BBS9: variants seen among roughly 807,000 people sequenced by gnomAD.
BBS9 encodes protein PTHB1.
Under a neutral mutation model 117.7 loss-of-function variants are expected in BBS9, and 89 were observed. The observed-to-expected ratio is 0.76, with a 90% CI of 0.64 to 0.90. The LOEUF is 0.90. BBS9 is among the 40% of genes least tolerant of loss of function. The pLI is 0.00. For synonymous variants in BBS9, 379 were observed against 370.9 expected (o/e 1.02, Z -0.25); for missense variants, 982 against 1,042.2 (o/e 0.94, Z 0.80).
chr7:33,219,412 C>A (rs941324007), intron 5 of BBS9, among the ~76,000 whole-genome samples: 3 of 152,228 alleles, frequency 2.0e-5, no homozygotes, highest in Non-Finnish European at 4.4e-5. Flanking sequence ...AGTGCAGGGT[C>A]CACTGGGTGA....
chr7:33,411,355 T>C (rs1831110698), intron 19 of BBS9, among the ~76,000 whole-genome samples: 1 of 152,164 alleles, frequency 6.6e-6, no homozygotes, highest in Admixed American at 6.5e-5. Flanking sequence ...AAATATTTCT[T>C]GACAAGGTTT....
At chr7:33,429,751 A>G (rs1834164911) in intron 19 of BBS9, among the ~76,000 whole-genome samples, 1 of 152,178 alleles carries the variant, frequency 6.6e-6, no homozygotes, top group Non-Finnish European at 1.5e-5. Context: ...TATTAATTTT[A>G]TGTTTTTATA....
intron 19 of BBS9, among the ~76,000 whole-genome samples, chr7:33,464,852 G>T (rs1295284898): frequency 6.6e-6 from 1 of 151,818 alleles, no homozygotes; most frequent in African/African-American, 2.4e-5. Context: ...TTGAGATAAG[G>T]TCTTCCACTG....
intron 21 of BBS9, among the ~76,000 whole-genome samples, chr7:33,614,689 G>C (rs757402208): frequency 1.3e-5 from 2 of 152,030 alleles, no homozygotes; most frequent in Non-Finnish European, 2.9e-5. Flanking sequence ...GCCCAGAGTG[G>C]ACAGGTCTGA....
At chr7:33,495,057 A>C (rs561875900) in intron 19 of BBS9, among the ~76,000 whole-genome samples, 1 of 152,338 alleles carries the variant, frequency 6.6e-6, no homozygotes, top group East Asian at 1.9e-4. Context: ...AAAAACTACA[A>C]ATACTGAAGA....
intron 19 of BBS9, among the ~76,000 whole-genome samples, chr7:33,486,153 A>G (rs981515273): frequency 6.6e-6 from 1 of 152,180 alleles, no homozygotes; most frequent in Non-Finnish European, 1.5e-5. Context: ...AGTCTAAGGC[A>G]CAGTTTTTTT....
chr7:33,259,030 T>A (rs545347965), intron 6 of BBS9, among the ~76,000 whole-genome samples: 1 of 152,244 alleles, frequency 6.6e-6, no homozygotes, highest in African/African-American at 2.4e-5. Flanking sequence ...ATGATGACAA[T>A]CAAGAAGGTT....
At chr7:33,136,184 T>C (rs377040757) in intron 1 of BBS9, among the ~76,000 whole-genome samples, 2 of 152,240 alleles carry the variant, frequency 1.3e-5, no homozygotes, top group East Asian at 1.9e-4. Context: ...AGAAATATCA[T>C]GGATATTTGT....
chr7:33,532,080 C>G (rs1416212351), intron 20 of BBS9, among the ~76,000 whole-genome samples: 5 of 152,234 alleles, frequency 3.3e-5, no homozygotes, highest in Admixed American at 3.3e-4. Flanking sequence ...CACAGGGTGA[C>G]AAGAGCTATG....
intron 21 of BBS9, among the ~76,000 whole-genome samples, chr7:33,617,706 G>T (rs995502142): frequency 1.3e-5 from 2 of 152,122 alleles, no homozygotes; most frequent in African/African-American, 4.8e-5. Flanking sequence ...TAAAAACCAT[G>T]AAAAAGAACC....
intron 5 of BBS9, among the ~76,000 whole-genome samples, chr7:33,181,609 A>C (rs1798108709): frequency 6.6e-6 from 1 of 152,240 alleles, no homozygotes; most frequent in Non-Finnish European, 1.5e-5. Context: ...GTTAAAAAGC[A>C]GATCAGTGCT....
At chr7:33,628,985 A>G (rs1865766064) in intron 21 of BBS9, among the ~76,000 whole-genome samples, 1 of 152,190 alleles carries the variant, frequency 6.6e-6, no homozygotes, top group East Asian at 1.9e-4. Context: ...CACCCAGAGA[A>G]CCATGAGCAT....
chr7:33,170,126 A>G (rs2128143436), intron 4 of BBS9, among the ~76,000 whole-genome samples: 1 of 151,882 alleles, frequency 6.6e-6, no homozygotes, highest in African/African-American at 2.4e-5. Context: ...TTCTGATACC[A>G]AAGCCTGGAA....
chr7:33,350,002 A>C (rs896495555), intron 13 of BBS9, among the ~76,000 whole-genome samples: 1 of 152,210 alleles, frequency 6.6e-6, no homozygotes, highest in East Asian at 1.9e-4. Context: ...TAAATCTATA[A>C]AAGATATCCA....
intron 19 of BBS9, among the ~76,000 whole-genome samples, chr7:33,489,699 G>A (rs904115836): frequency 6.6e-6 from 1 of 152,038 alleles, no homozygotes. Context: ...GGTGTTTTTA[G>A]GGGAATTAAA....
chr7:33,512,795 C>T (rs533272306), intron 20 of BBS9, among the ~76,000 whole-genome samples: 116 of 152,332 alleles, frequency 7.6e-4, no homozygotes, highest in Non-Finnish European at 1.5e-3. Context: ...CTCTGTGTCT[C>T]CCTGAATCTC....
chr7:33,273,898 C>T lies in BBS9; in HGVS notation c.958C>T (p.Leu320=), dbSNP rs747791379. Residue 320 remains leucine (L), a synonymous_variant, in exon 9 of 23, where the codon CTG becomes TTG. Transcript: ENST00000242067. ...GCTGCATATTTATCAAGATGTGACA[C>T]TGAAGTGGGCCACCCAACTTCCCCA... ...NMLHIYQDVT[L]KWATQLPHIP... is the part of the protein sequence containing the mutation. The T allele has an allele frequency of 6.2e-7, 1 of 1,612,962 alleles. No homozygotes were observed. Among genetic ancestry groups the T allele is most frequent in the Non-Finnish European group, 8.5e-7 (1 of 1,179,080 alleles).
chr7:33,315,856 A>T (rs1432931036), intron 9 of BBS9, among the ~76,000 whole-genome samples: 1 of 152,212 alleles, frequency 6.6e-6, no homozygotes, highest in African/African-American at 2.4e-5. Context: ...CAAAGTAAAT[A>T]GTATAATAAA....
intron 5 of BBS9, among the ~76,000 whole-genome samples, chr7:33,213,555 T>C (rs556787083): frequency 2.6e-5 from 4 of 152,082 alleles, no homozygotes; most frequent in African/African-American, 9.7e-5. Context: ...ACAGAAAGAG[T>C]GTTTCAGCAT....
Sources: allele counts gnomAD v4.1 joint callset (sites outside exome capture counted in the v4.1 genomes callset), GRCh38; gene constraint gnomAD v4.1.1; transcripts MANE v1.5; gene names NCBI Gene and HGNC (gene_info 2026-07-23, HGNC 2026-07-21).